STK3: variants seen among roughly 807,000 people sequenced by gnomAD.
STK3 encodes the protein serine/threonine-protein kinase 3.
In STK3, 41 loss-of-function variants were observed where a neutral mutation model predicts 58.0. The ratio of observed to expected loss-of-function variants is 0.71; its 90% CI spans 0.55 to 0.92. STK3 has a LOEUF of 0.92. STK3 is among the 40% of genes least tolerant of loss of function. The pLI is 0.00. For missense variants in STK3, 479 were observed against 602.7 expected (o/e 0.79, Z 2.15); for synonymous variants, 170 against 191.0 (o/e 0.89, Z 0.91).
At position 98,874,923 on chromosome 8, in the gene STK3, C is replaced by T. The variant is rs145130433; in HGVS notation, c.110+8724G>A. 8.0e-3 allele frequency among the ~76,000 whole-genome samples: 1,214 copies of T among 152,122 alleles called. 18 individuals are homozygous for T. Among genetic ancestry groups the T allele is most frequent in the African/African-American group, 0.028 (1,163 of 41,494 alleles). On this transcript the variant is annotated intron_variant, in intron 3 of 12. Transcript: ENST00000523601. ...ACAGGCATGAGCCACCACAACTGGC[C>T]CTTGTTTATGATTTTTAAATATATT...
At chr8:98,406,267 TTTATTTTATTTTATTTTATTTTATG>T (rs1324952716) in intron 3 of STK3, among the ~76,000 whole-genome samples, 49 of 51,608 alleles carry the variant, frequency 9.5e-4, no homozygotes, top group Non-Finnish European at 9.2e-4. Context: ...TTTATTTTAT[TTTATTTTATTTTATTTTATTTTATG>T]TTATTTATTT....
intron 6 of STK3, among the ~76,000 whole-genome samples, chr8:98,662,672 T>C (rs1822047996): frequency 6.6e-6 from 1 of 152,010 alleles, no homozygotes. Context: ...TGTCAAGCTG[T>C]ATTTCTTTTT....
intron 1 of STK3, among the ~76,000 whole-genome samples, chr8:98,910,923 C>A (rs1839105821): frequency 2.0e-5 from 3 of 152,210 alleles, no homozygotes; most frequent in South Asian, 4.1e-4. Context: ...CCACTCCAGC[C>A]AGCTTAGTGG....
chr8:98,657,695 G>C (rs7842701), intron 6 of STK3, among the ~76,000 whole-genome samples: 2,663 of 151,744 alleles, frequency 0.018, 75 homozygotes, highest in African/African-American at 0.061. Flanking sequence ...AAAGTACTCA[G>C]GATTAAAATG....
intron 6 of STK3, among the ~76,000 whole-genome samples, chr8:98,695,935 A>G (rs1233894433): frequency 2.0e-5 from 3 of 152,094 alleles, no homozygotes; most frequent in Non-Finnish European, 4.4e-5. Context: ...ATGGCATTGA[A>G]TCTATAAATT....
intron 1 of STK3, among the ~76,000 whole-genome samples, chr8:98,386,676 T>C (rs1453211707): frequency 6.6e-6 from 1 of 152,224 alleles, no homozygotes; most frequent in East Asian, 1.9e-4. Context: ...TATAGACTTT[T>C]ACCTTAAAAC....
intron 10 of STK3, among the ~76,000 whole-genome samples, chr8:98,522,323 T>G (rs1444493204): frequency 2.6e-5 from 4 of 152,186 alleles, no homozygotes; most frequent in Non-Finnish European, 5.9e-5. Flanking sequence ...TCTGTTGAAT[T>G]TTAATTAACA....
chr8:98,757,856 T>C (rs1563969534), intron 3 of STK3, among the ~76,000 whole-genome samples: 1 of 152,140 alleles, frequency 6.6e-6, no homozygotes, highest in Non-Finnish European at 1.5e-5. Flanking sequence ...AAGAAATTTA[T>C]ATAAGGAAAT....
chr8:98,472,943 C>T (rs979701851), intron 10 of STK3, among the ~76,000 whole-genome samples: 1 of 151,858 alleles, frequency 6.6e-6, no homozygotes, highest in African/African-American at 2.4e-5. Context: ...GCGAAATGGT[C>T]CAAAAATTAT....
At chr8:98,496,107 A>G (rs1042841069) in intron 10 of STK3, among the ~76,000 whole-genome samples, 3 of 152,194 alleles carry the variant, frequency 2.0e-5, no homozygotes, top group Non-Finnish European at 4.4e-5. Flanking sequence ...ACTTCATGAA[A>G]GCAGAGTTTA....
intron 4 of STK3, among the ~76,000 whole-genome samples, chr8:98,726,854 A>C (rs1827829328): frequency 6.6e-6 from 1 of 152,174 alleles, no homozygotes; most frequent in Non-Finnish European, 1.5e-5. Context: ...CAGAAGGAAA[A>C]AAGAGATGGG....
At chr8:98,588,262 C>A (rs1404891519) in intron 7 of STK3, among the ~76,000 whole-genome samples, 1 of 151,870 alleles carries the variant, frequency 6.6e-6, no homozygotes, top group African/African-American at 2.4e-5. Flanking sequence ...ATTTTTAGCG[C>A]TTCCTTCAGG....
chr8:98,353,658 A>G, the STK3 span, among the ~76,000 whole-genome samples: 8 of 152,364 alleles, frequency 5.3e-5, no homozygotes, highest in Non-Finnish European at 7.3e-5. Context: ...GATGAGGGAT[A>G]TTCAACATGT....
intron 3 of STK3, among the ~76,000 whole-genome samples, chr8:98,424,363 T>C (rs1055216527): frequency 6.6e-6 from 1 of 152,122 alleles, no homozygotes; most frequent in African/African-American, 2.4e-5. Flanking sequence ...GGCCCTAGTG[T>C]AGCTGGAAGC....
At chr8:98,773,558 A>C (rs2131481020) in intron 2 of STK3, among the ~76,000 whole-genome samples, 1 of 152,254 alleles carries the variant, frequency 6.6e-6, no homozygotes. Flanking sequence ...CAGGAGTTGA[A>C]GACCAGCCTG....
At chr8:98,900,238 G>T (rs140327912) in intron 1 of STK3, among the ~76,000 whole-genome samples, 4,909 of 151,884 alleles carry the variant, frequency 0.032, 119 homozygotes, top group Non-Finnish European at 0.049. Context: ...CACTACACCC[G>T]GCTAATTTTT....
intron 8 of STK3, among the ~76,000 whole-genome samples, chr8:98,550,513 A>T (rs1740903654): frequency 6.6e-6 from 1 of 152,192 alleles, no homozygotes; most frequent in African/African-American, 2.4e-5. Flanking sequence ...TTCACTTGCT[A>T]CATAAAACTT....
In STK3 at chr8:98,774,788, T is replaced by C. The variant is rs1473562696; in HGVS notation, c.58A>G (p.Thr20Ala). The change falls in exon 2 of 11, where the codon ACT becomes GCT. Residue 20 changes from threonine (T) to alanine (A), a missense_variant. Transcript: ENST00000419617. The part of the protein sequence containing the change: ...KLKKLSEDSL[T>A]KQPEEVFDVL... The stretch of plus-strand genomic sequence containing the variant: ...TCAAAAACTTCTTCAGGCTGCTTAG[T>C]CAAACTGTCTTCACTCAGCTTTTTT... 1.3e-6 allele frequency: 2 copies of C among 1,584,672 alleles called. No homozygotes were observed. Among genetic ancestry groups the C allele is most frequent in the Non-Finnish European group, 1.7e-6 (2 of 1,167,394 alleles).
At chr8:98,360,381 C>T in the STK3 span, among the ~76,000 whole-genome samples, 4 of 152,194 alleles carry the variant, frequency 2.6e-5, no homozygotes, top group African/African-American at 4.8e-5. Context: ...AAAGGTGGGA[C>T]CTTCTTCCCT....
Sources: allele counts gnomAD v4.1 joint callset (sites outside exome capture counted in the v4.1 genomes callset), GRCh38; gene constraint gnomAD v4.1.1; transcripts MANE v1.5; gene names NCBI Gene and HGNC (gene_info 2026-07-23, HGNC 2026-07-21).